The following IGF2BP3 variants were observed in gnomAD, a reference collection of about 807,000 sequenced individuals.
The protein encoded by IGF2BP3 is insulin-like growth factor 2 mRNA-binding protein 3.
In IGF2BP3, 9 loss-of-function variants were observed where a neutral mutation model predicts 73.8. That is an observed-to-expected ratio of 0.12 (90% confidence interval 0.07 to 0.21). IGF2BP3 has a LOEUF of 0.21. IGF2BP3 is among the 10% of genes least tolerant of loss of function. IGF2BP3 has a pLI of 1.00. For missense variants in IGF2BP3, 542 were observed against 714.0 expected, an observed-to-expected ratio of 0.76 and a Z score of 2.75; for synonymous variants, 258 against 256.7, an observed-to-expected ratio of 1.01 and a Z score of -0.05.
At chr7:23,466,046 G>T (rs1374574570) in intron 2 of IGF2BP3, among the ~76,000 whole-genome samples, 1 of 147,828 alleles carries the variant, frequency 6.8e-6, no homozygotes, top group South Asian at 2.1e-4. Flanking sequence ...TTTTGAGGTA[G>T]AGTTTCACGC....
At chr7:23,434,169 C>A (rs948582866) in intron 2 of IGF2BP3, among the ~76,000 whole-genome samples, 4 of 151,358 alleles carry the variant, frequency 2.6e-5, no homozygotes, top group African/African-American at 9.7e-5. Flanking sequence ...TAAAACTGTA[C>A]CTGCAAGAAG....
intron 5 of IGF2BP3, among the ~76,000 whole-genome samples, chr7:23,360,214 G>A (rs274066): frequency 0.092 from 13,913 of 152,018 alleles, 1,390 homozygotes; most frequent in African/African-American, 0.25. Flanking sequence ...TTTATCATGT[G>A]GATACATGCT....
chr7:23,429,955 C>T (rs1437530863), intron 2 of IGF2BP3, among the ~76,000 whole-genome samples: 1 of 152,198 alleles, frequency 6.6e-6, no homozygotes, highest in East Asian at 1.9e-4. Flanking sequence ...TCTACCAATG[C>T]TTACATACAA....
chr7:23,460,628 AT>A (rs1788428451), intron 2 of IGF2BP3, among the ~76,000 whole-genome samples: 1 of 152,148 alleles, frequency 6.6e-6, no homozygotes, highest in Admixed American at 6.5e-5. Flanking sequence ...CATCTCTAAC[AT>A]ATACATAAGT....
rs112812470 is a variant in IGF2BP3, at chr7:23,315,938, T to C, written c.1395+1701A>G. Among the ~76,000 whole-genome samples the C allele has an allele frequency of 4.4e-3, 675 of 152,334 alleles. 6 individuals are homozygous for C. The highest frequency in any genetic ancestry group is 0.015 in the African/African-American group (627 of 41,576). On this transcript the variant is annotated intron_variant, in intron 12 of 14. Transcript: ENST00000258729. ...TATTAGTGAATACAGGGAAAGAACT[T>C]TGAAGTTCCTATCATACAAACATCA...
At chr7:23,399,034 T>C (rs1786571911) in intron 3 of IGF2BP3, among the ~76,000 whole-genome samples, 1 of 152,238 alleles carries the variant, frequency 6.6e-6, no homozygotes, top group African/African-American at 2.4e-5. Flanking sequence ...AGGGTTTTTA[T>C]GGTTTTAGGT....
At chr7:23,457,563 T>C (rs371502880) in intron 2 of IGF2BP3, among the ~76,000 whole-genome samples, 2 of 152,354 alleles carry the variant, frequency 1.3e-5, no homozygotes, top group African/African-American at 4.8e-5. Context: ...GGCTAAATTA[T>C]TGCACACCTA....
chr7:23,434,246 C>T lies in IGF2BP3; in HGVS notation c.237-15422G>A, dbSNP rs536344276. Reference sequence around the variant, plus strand: ...TGAATACGGGGTATGTCTACATTAACAGTTTTTATTTCGTATTACTGCTAA... The same window carrying T: ...TGAATACGGGGTATGTCTACATTAATAGTTTTTATTTCGTATTACTGCTAA... On this transcript the variant is annotated intron_variant, in intron 2 of 14. Coordinates refer to ENST00000258729, the MANE Select transcript of IGF2BP3 (RefSeq NM_006547.3). Among the ~76,000 whole-genome samples the T allele has an allele frequency of 2.2e-4, 33 of 152,194 alleles. 1 individual carries two copies. Among genetic ancestry groups the T allele is most frequent in the Middle Eastern group, 3.4e-3 (1 of 294 alleles).
chr7:23,314,522 G>A (rs1429997517), intron 12 of IGF2BP3, among the ~76,000 whole-genome samples: 1 of 150,770 alleles, frequency 6.6e-6, no homozygotes, highest in African/African-American at 2.4e-5. Flanking sequence ...ATGTTGCCAC[G>A]CTCATCACAA....
At chr7:23,399,422 A>G (rs1310415712) in intron 3 of IGF2BP3, among the ~76,000 whole-genome samples, 1 of 151,544 alleles carries the variant, frequency 6.6e-6, no homozygotes. Context: ...AAAAAAAAAA[A>G]AAGAAAGAGG....
At chr7:23,361,468 C>A (rs1329691463) in intron 5 of IGF2BP3, 66 bp downstream of exon 5, 3 of 1,375,820 alleles carry the variant, frequency 2.2e-6, no homozygotes, top group South Asian at 1.2e-5. Flanking sequence ...GTTGAGAAAT[C>A]CGCAAAATAT....
In IGF2BP3 at chr7:23,310,700, CTT is replaced by C. The variant is rs1486068314; in HGVS notation, c.*1660_*1661del. 3.9e-5 allele frequency: 6 copies of C among 152,076 alleles called. No homozygotes were observed. The highest frequency in any genetic ancestry group is 3.9e-4 in the Admixed American group (6 of 15,268). The allele number at this position is 152,076 out of a possible 1,614,324, so 9.4% of individuals were successfully genotyped here. On this transcript the variant is annotated 3_prime_UTR_variant, in exon 15 of 15. Coordinates refer to ENST00000258729, the MANE Select transcript of IGF2BP3 (RefSeq NM_006547.3). ...TTTTCAGAGAACATTAAGGAAAACACTTTAAATCATTTTCAAAATGTCTAATT... is the reference window on the plus strand; with the variant it reads ...TTTTCAGAGAACATTAAGGAAAACACTAAATCATTTTCAAAATGTCTAATT...
chr7:23,415,507 A>G, intron 3 of IGF2BP3: 1 of 170,672 alleles, frequency 5.9e-6, no homozygotes, highest in Non-Finnish European at 1.1e-5. Context: ...GTCAGTCGGC[A>G]TCACTGCATC....
rs560419819 is a variant in IGF2BP3, at chr7:23,407,255, A to G, written c.285+11521T>C. 9.6e-4 allele frequency among the ~76,000 whole-genome samples: 145 copies of G among 151,744 alleles called. 2 individuals are homozygous for G. The highest frequency in any genetic ancestry group is 3.0e-3 in the African/African-American group (124 of 41,454). On this transcript the variant is annotated intron_variant, in intron 3 of 14. Transcript: ENST00000258729. ...ATTCTTTGAACACTACAAACGACCC[A>G]AGATGAAATAACCTGAAGAACACTA...
intron 3 of IGF2BP3, among the ~76,000 whole-genome samples, chr7:23,368,868 G>T (rs1196247471): frequency 6.6e-6 from 1 of 150,816 alleles, no homozygotes; most frequent in Non-Finnish European, 1.5e-5. Context: ...TTGCACTCCA[G>T]CCTGGGCCAC....
At chr7:23,325,266 T>TGAG (rs1784262556) in intron 10 of IGF2BP3, among the ~76,000 whole-genome samples, 1 of 152,142 alleles carries the variant, frequency 6.6e-6, no homozygotes, top group Non-Finnish European at 1.5e-5. Context: ...CAAGCATTCT[T>TGAG]ATACATCAAT....
intron 2 of IGF2BP3, among the ~76,000 whole-genome samples, chr7:23,452,497 T>C (rs1029957818): frequency 6.6e-6 from 1 of 152,170 alleles, no homozygotes; most frequent in Admixed American, 6.5e-5. Flanking sequence ...AAAGTGCTTA[T>C]TCTTTCCCTT....
At chr7:23,321,043 G>A (rs1270562114) in intron 10 of IGF2BP3, among the ~76,000 whole-genome samples, 2 of 151,746 alleles carry the variant, frequency 1.3e-5, no homozygotes, top group Admixed American at 6.6e-5. Context: ...AGAAATATTA[G>A]AAGATATTTT....
At chr7:23,468,231 G>A (rs1788614760) in intron 2 of IGF2BP3, among the ~76,000 whole-genome samples, 1 of 152,244 alleles carries the variant, frequency 6.6e-6, no homozygotes, top group African/African-American at 2.4e-5. Context: ...ACATTCAGCT[G>A]TGAGCTTTCG....
Sources: gnomAD v4.1 joint callset for allele counts (sites outside exome capture counted in the v4.1 genomes callset) on GRCh38, gnomAD v4.1.1 for gene constraint, MANE v1.5 for transcripts, NCBI Gene and HGNC (gene_info 2026-07-23, HGNC 2026-07-21) for gene names.